Variants in SGTB observed in about 807,000 individuals in gnomAD.
The protein encoded by SGTB is small glutamine rich tetratricopeptide repeat co-chaperone beta, also known as small glutamine-rich tetratricopeptide repeat-containing protein beta.
A neutral mutation model predicts 43.9 loss-of-function variants in SGTB; 19 were observed. The ratio of observed to expected loss-of-function variants is 0.43; its 90% CI spans 0.30 to 0.63. The LOEUF is 0.63. Among genes scored for constraint, SGTB ranks in the 30% least tolerant of loss-of-function variants. The pLI is 0.12. For synonymous variants in SGTB, 116 were observed against 117.3 expected (o/e 0.99, Z 0.07); for missense variants, 304 against 358.9 (o/e 0.85, Z 1.24).
At chr5:65,704,961 A>G (rs548584060) in intron 4 of SGTB, among the ~76,000 whole-genome samples, 1 of 152,218 alleles carries the variant, frequency 6.6e-6, no homozygotes, top group Non-Finnish European at 1.5e-5. Flanking sequence ...ATTAATTTCT[A>G]GAAAGAGAAT....
chr5:65,682,600 C>A (rs183722612), intron 6 of SGTB, among the ~76,000 whole-genome samples: 1 of 152,012 alleles, frequency 6.6e-6, no homozygotes, highest in Admixed American at 6.6e-5. Context: ...TTATGTCAGG[C>A]GTAATAACAA....
chr5:65,718,730 A>G (rs1758196762), intron 2 of SGTB, among the ~76,000 whole-genome samples: 1 of 152,188 alleles, frequency 6.6e-6, no homozygotes, highest in African/African-American at 2.4e-5. Context: ...AGACTCACAG[A>G]GTCAAAAATA....
rs573617638 is a variant in SGTB, at chr5:65,690,084, A to G, written c.375-4612T>C. On this transcript the variant is annotated intron_variant, in intron 5 of 10. Coordinates refer to ENST00000381007, the MANE Select transcript of SGTB (RefSeq NM_019072.3). The stretch of plus-strand genomic sequence containing the variant: ...TTCCAAATAATTAGAAAGAAAGAAA[A>G]AAAATCAATCCAATAGAAGGGGGGG... Among the ~76,000 whole-genome samples, 10 of 151,872 alleles carry G rather than the reference A, an allele frequency of 6.6e-5. No individual in the cohort carries two copies. The South Asian group carries it at 2.1e-3, about 32-fold the overall frequency.
intron 5 of SGTB, among the ~76,000 whole-genome samples, chr5:65,690,895 C>T (rs1757593998): frequency 6.6e-6 from 1 of 152,200 alleles, no homozygotes; most frequent in South Asian, 2.1e-4. Flanking sequence ...CAATTCAAAT[C>T]ACTTTTGAGC....
chr5:65,690,080 G>GA (rs1261775349), intron 5 of SGTB, among the ~76,000 whole-genome samples: 5 of 83,764 alleles, frequency 6.0e-5, no homozygotes, highest in Admixed American at 1.6e-4. Flanking sequence ...TAGAAAGAAA[G>GA]AAAAAAAATC....
At chr5:65,686,437 ACCTCATGTT>A in intron 5 of SGTB, among the ~76,000 whole-genome samples, 1 of 151,488 alleles carries the variant, frequency 6.6e-6, no homozygotes, top group South Asian at 2.1e-4. Flanking sequence ...CAAGTCTCTG[ACCTCATGTT>A]CCTCTCCCAC....
intron 8 of SGTB, among the ~76,000 whole-genome samples, chr5:65,676,225 A>G (rs1757261907): frequency 1.3e-5 from 2 of 152,082 alleles, no homozygotes; most frequent in Non-Finnish European, 2.9e-5. Flanking sequence ...ACCAAAGAAG[A>G]TCAAAAAAGA....
chr5:65,680,068 G>A (rs1757364298), intron 8 of SGTB, among the ~76,000 whole-genome samples: 2 of 152,120 alleles, frequency 1.3e-5, no homozygotes, highest in Non-Finnish European at 2.9e-5. Context: ...AACTAACACA[G>A]GAAAAGAAAA....
chr5:65,708,650 T>C (rs1196204445), intron 3 of SGTB, 92 bp from the exon 4 acceptor site: 5 of 961,826 alleles, frequency 5.2e-6, no homozygotes. Context: ...ACCCACATTT[T>C]AAATCATCTG....
Position 65,685,446 on chromosome 5 carries a change from T to C in SGTB, c.401A>G (p.His134Arg). The change falls in exon 6 of 11, where the codon CAC becomes CGC. Residue 134 changes from histidine to arginine, a missense_variant. Transcript: ENST00000381007. ...NRAAAQSKLG[H>R]YTDAIKDCEK... ...ACAATCCTTTATCGCATCTGTGTAG[T>C]GACCTAATTTGCTCTGAGCAGCAGC... 4 of 1,614,196 alleles carry C rather than the reference T, an allele frequency of 2.5e-6. No homozygotes were observed. In the South Asian group the frequency reaches 3.3e-5, roughly 13 times the overall value.
chr5:65,693,998 A>G (rs1348554786), intron 5 of SGTB, among the ~76,000 whole-genome samples: 1 of 152,226 alleles, frequency 6.6e-6, no homozygotes, highest in Non-Finnish European at 1.5e-5. Flanking sequence ...TGCTAATGCA[A>G]TATTTAATTG....
intron 7 of SGTB, 28 bp downstream of exon 7, chr5:65,680,628 C>G: frequency 6.2e-7 from 1 of 1,613,818 alleles, no homozygotes; most frequent in Non-Finnish European, 8.5e-7. Context: ...ACAGAAAATA[C>G]TTCACTCATT....
intron 5 of SGTB, among the ~76,000 whole-genome samples, chr5:65,695,474 C>A (rs944193506): frequency 8.5e-5 from 13 of 152,180 alleles, no homozygotes; most frequent in African/African-American, 2.9e-4. Flanking sequence ...ATATTTGAAT[C>A]TTCTGGAAGA....
At chr5:65,695,961 T>C (rs1384082596) in intron 5 of SGTB, among the ~76,000 whole-genome samples, 2 of 152,172 alleles carry the variant, frequency 1.3e-5, no homozygotes, top group Non-Finnish European at 2.9e-5. Flanking sequence ...AGAACAGAGA[T>C]TCAACAACAA....
At chr5:65,677,562 C>A (rs1481098256) in intron 8 of SGTB, among the ~76,000 whole-genome samples, 1 of 152,124 alleles carries the variant, frequency 6.6e-6, no homozygotes, top group South Asian at 2.1e-4. Context: ...GGCCAATATC[C>A]TTGATGAACA....
chr5:65,674,389 T>C (rs1757222716), intron 8 of SGTB, among the ~76,000 whole-genome samples: 1 of 152,194 alleles, frequency 6.6e-6, no homozygotes, highest in Non-Finnish European at 1.5e-5. Flanking sequence ...CAATTGTGTG[T>C]GCTCACCTTG....
intron 8 of SGTB, among the ~76,000 whole-genome samples, chr5:65,677,446 C>T (rs1442167466): frequency 6.6e-6 from 1 of 151,856 alleles, no homozygotes; most frequent in African/African-American, 2.4e-5. Flanking sequence ...AGAAACTATT[C>T]TAAAAAATTG....
chr5:65,702,715 G>A (rs1211033199), intron 5 of SGTB, among the ~76,000 whole-genome samples: 1 of 152,164 alleles, frequency 6.6e-6, no homozygotes, highest in Non-Finnish European at 1.5e-5. Context: ...TCACATTGGA[G>A]ATTGGGTGTA....
intron 5 of SGTB, among the ~76,000 whole-genome samples, chr5:65,704,057 TA>T (rs1561163393): frequency 6.8e-6 from 1 of 147,076 alleles, no homozygotes; most frequent in Non-Finnish European, 1.5e-5. Flanking sequence ...AAAAAATAAA[TA>T]AATAAATAAA....
Sources: gnomAD v4.1 joint callset for allele counts (sites outside exome capture counted in the v4.1 genomes callset) on GRCh38, gnomAD v4.1.1 for gene constraint, MANE v1.5 for transcripts, NCBI Gene and HGNC (gene_info 2026-07-23, HGNC 2026-07-21) for gene names.